The following PPARG variants were observed in gnomAD, a reference collection of about 807,000 sequenced individuals.
PPARG encodes the protein peroxisome proliferator activated receptor gamma.
In PPARG, 17 loss-of-function variants were observed where a neutral mutation model predicts 39.2. That is an observed-to-expected ratio of 0.43 (90% CI 0.30 to 0.65). The LOEUF (loss-of-function observed/expected upper bound fraction) is 0.65. PPARG is among the 30% of genes least tolerant of loss of function. The probability of loss-of-function intolerance (pLI) is 0.13; values close to 1 mark genes in which losing one functional copy is unlikely to be tolerated. For synonymous variants in PPARG, 223 were observed against 215.7 expected (o/e 1.03, Z -0.30); for missense variants, 406 against 585.9 (o/e 0.69, Z 3.17).
At chr3:12,327,886 AAT>A in intron 2 of PPARG, 1 of 536,426 alleles carries the variant, frequency 1.9e-6, no homozygotes, top group Non-Finnish European at 3.3e-6. Context: ...AACAAATGAG[AAT>A]GCTTCTTTAG....
rs181482264 is a variant in PPARG at position 12,358,028 on chromosome 3, A to G, written c.-8-21676A>G. ...TTTAGTGTATGTTAAATATTATTCT[A>G]AAACCAATGCTAATATAAACAAACC... On this transcript the variant is annotated intron_variant, in intron 2 of 7. Coordinates refer to ENST00000651735, the MANE Select transcript of PPARG (RefSeq NM_138711.6). 2.6e-5 allele frequency among the ~76,000 whole-genome samples: 4 copies of G among 152,370 alleles called. No individual in the cohort carries two copies. The East Asian group carries it at 7.7e-4, about 29-fold the overall frequency.
chr3:12,290,940 T>C (rs2046633953), intron 1 of PPARG, among the ~76,000 whole-genome samples: 1 of 152,210 alleles, frequency 6.6e-6, no homozygotes, highest in Admixed American at 6.5e-5. Context: ...CTTTCACTTC[T>C]TTCCTAGCAT....
chr3:12,322,662 C>G (rs2047578805), intron 2 of PPARG, among the ~76,000 whole-genome samples: 1 of 152,070 alleles, frequency 6.6e-6, no homozygotes, highest in South Asian at 2.1e-4. Flanking sequence ...TTCAAGCTAT[C>G]AAAAGATATC....
At chr3:12,431,408 G>T (rs949937588) in intron 7 of PPARG, among the ~76,000 whole-genome samples, 3 of 151,974 alleles carry the variant, frequency 2.0e-5, no homozygotes, top group Non-Finnish European at 4.4e-5. Context: ...GCATTTATTA[G>T]AATACAAAGA....
chr3:12,380,463 C>T (rs2049602930), intron 3 of PPARG, among the ~76,000 whole-genome samples: 1 of 152,128 alleles, frequency 6.6e-6, no homozygotes, highest in South Asian at 2.1e-4. Flanking sequence ...ACTAAATCAA[C>T]ATCAAAACAT....
At chr3:12,429,519 G>A (rs560663082) in intron 7 of PPARG, among the ~76,000 whole-genome samples, 174 of 142,752 alleles carry the variant, frequency 1.2e-3, no homozygotes, top group African/African-American at 4.6e-3. Context: ...GCATTCAAGA[G>A]CAGCCTGGAA....
chr3:12,315,713 A>G (rs1035104805), intron 2 of PPARG, among the ~76,000 whole-genome samples: 3 of 152,254 alleles, frequency 2.0e-5, no homozygotes, highest in East Asian at 3.9e-4. Flanking sequence ...TCTGGTCTCT[A>G]TTTAGTGTAC....
chr3:12,370,719 G>A (rs1190843865), intron 2 of PPARG, among the ~76,000 whole-genome samples: 2 of 151,978 alleles, frequency 1.3e-5, no homozygotes, highest in African/African-American at 2.4e-5. Flanking sequence ...ATTTAACCTT[G>A]CTTAACCTAG....
At chr3:12,412,081 A>G (rs1390277986) in intron 6 of PPARG, among the ~76,000 whole-genome samples, 2 of 152,314 alleles carry the variant, frequency 1.3e-5, no homozygotes, top group East Asian at 3.9e-4. Context: ...CAATCTGCCA[A>G]ATTAGAAAAG....
At chr3:12,418,391 A>G (rs2051149881) in intron 7 of PPARG, among the ~76,000 whole-genome samples, 2 of 152,164 alleles carry the variant, frequency 1.3e-5, no homozygotes, top group South Asian at 4.1e-4. Flanking sequence ...AGCTTTTTGT[A>G]TGTACTCTAC....
At chr3:12,383,985 A>C (rs1575092075) in intron 4 of PPARG, among the ~76,000 whole-genome samples, 1 of 152,086 alleles carries the variant, frequency 6.6e-6, no homozygotes, top group African/African-American at 2.4e-5. Flanking sequence ...TTAAAAAGCA[A>C]ACATAGAAGA....
intron 2 of PPARG, among the ~76,000 whole-genome samples, chr3:12,349,495 C>T (rs1035033401): frequency 2.0e-5 from 3 of 152,152 alleles, no homozygotes; most frequent in Admixed American, 2.0e-4. Flanking sequence ...GTGTATGCTG[C>T]CAAAAGTGTA....
At chr3:12,385,600 A>G (rs953991780) in intron 4 of PPARG, among the ~76,000 whole-genome samples, 1 of 152,132 alleles carries the variant, frequency 6.6e-6, no homozygotes, top group African/African-American at 2.4e-5. Context: ...GTGAAAGATC[A>G]TTTTGGAACC....
intron 2 of PPARG, among the ~76,000 whole-genome samples, chr3:12,376,169 G>T (rs1421726324): frequency 6.6e-6 from 1 of 151,968 alleles, no homozygotes; most frequent in East Asian, 1.9e-4. Flanking sequence ...GGCTGGTCTC[G>T]AACTCCTGAC....
chr3:12,391,901 G>T (rs775540454), intron 4 of PPARG, among the ~76,000 whole-genome samples: 3 of 152,148 alleles, frequency 2.0e-5, no homozygotes, highest in Non-Finnish European at 4.4e-5. Flanking sequence ...CGTCCAGTTC[G>T]ATTTTTTTCA....
chr3:12,388,118 T>C (rs2049947100), intron 4 of PPARG, among the ~76,000 whole-genome samples: 1 of 152,168 alleles, frequency 6.6e-6, no homozygotes, highest in Non-Finnish European at 1.5e-5. Flanking sequence ...TCACCAACAT[T>C]TATCAATGAG....
chr3:12,335,620 AC>A (rs1275122741), intron 2 of PPARG, among the ~76,000 whole-genome samples: 4 of 152,208 alleles, frequency 2.6e-5, no homozygotes, highest in African/African-American at 9.7e-5. Flanking sequence ...GCCAGATGCA[AC>A]AATTCTTAAT....
intron 6 of PPARG, among the ~76,000 whole-genome samples, chr3:12,414,887 A>G (rs1374069223): frequency 5.3e-5 from 8 of 152,226 alleles, no homozygotes; most frequent in Non-Finnish European, 1.0e-4. Context: ...TAACAAAAGT[A>G]AAAACTTCCA....
chr3:12,354,030 T>C (rs1242707532), intron 2 of PPARG, among the ~76,000 whole-genome samples: 1 of 152,216 alleles, frequency 6.6e-6, no homozygotes, highest in Non-Finnish European at 1.5e-5. Flanking sequence ...ACATGATAAA[T>C]GCTGCAATAG....
Sources: allele counts gnomAD v4.1 joint callset (sites outside exome capture counted in the v4.1 genomes callset), GRCh38; gene constraint gnomAD v4.1.1; transcripts MANE v1.5; gene names NCBI Gene and HGNC (gene_info 2026-07-23, HGNC 2026-07-21).